The following CHI3L2 variants were observed in gnomAD, a reference collection of about 807,000 sequenced individuals.
CHI3L2 encodes chitinase 3 like 2.
CHI3L2 carries 47 observed loss-of-function variants against 47.3 expected under a neutral mutation model. The ratio of observed to expected loss-of-function variants is 0.99; its 90% CI spans 0.79 to 1.27. The LOEUF is 1.27. Among genes scored for constraint, CHI3L2 ranks in the 50% most tolerant of loss-of-function variants. CHI3L2 has a pLI of 0.00. For missense variants in CHI3L2, 497 were observed against 462.1 expected, an observed-to-expected ratio of 1.08 and a Z score of -0.69; for synonymous variants, 198 against 169.9, an observed-to-expected ratio of 1.17 and a Z score of -1.28.
Position 111,241,430 on chromosome 1 carries a change from G to T in CHI3L2, c.1022G>T (p.Ser341Ile). The change falls in exon 9 of 11, where the codon AGT becomes ATT. Residue 341 changes from serine to isoleucine, a missense_variant. Coordinates refer to ENST00000369748, the MANE Select transcript of CHI3L2 (RefSeq NM_004000.3). Reference sequence around the variant, plus strand: ...TGGGTGGGCTATGATGATGTGAAGAGTATGGAGACCAAGGTAGGTGGGCCA... The same window carrying T: ...TGGGTGGGCTATGATGATGTGAAGATTATGGAGACCAAGGTAGGTGGGCCA... Reference protein sequence around the residue: ...NQWVGYDDVKSMETKVQFLKN... With the variant: ...NQWVGYDDVKIMETKVQFLKN... 1 of 1,582,726 alleles carries T rather than the reference G, an allele frequency of 6.3e-7. No individual in the cohort carries two copies. Among genetic ancestry groups the T allele is most frequent in the Non-Finnish European group, 8.7e-7 (1 of 1,151,262 alleles).
intron 8 of CHI3L2, among the ~76,000 whole-genome samples, chr1:111,241,117 A>G (rs1037421381): frequency 3.9e-5 from 6 of 152,154 alleles, no homozygotes; most frequent in African/African-American, 1.4e-4. Flanking sequence ...TCTCCTCCTG[A>G]TGAGACTTTA....
At chr1:111,242,888 TTGC>T (rs2101560343) in intron 10 of CHI3L2, among the ~76,000 whole-genome samples, 1 of 152,312 alleles carries the variant, frequency 6.6e-6, no homozygotes, top group South Asian at 2.1e-4. Context: ...GTCGGTGGCT[TTGC>T]TGCTGCTCCA....
At position 111,242,445 on chromosome 1, in the gene CHI3L2, C is replaced by T. The variant is rs548476282; in HGVS notation, c.*2+79C>T. 10 of 1,444,572 alleles carry T rather than the reference C, an allele frequency of 6.9e-6. No individual in the cohort carries two copies. In the African/African-American group the frequency reaches 1.3e-4, roughly 19 times the overall value. The allele number at this position is 1,444,572 out of a possible 1,614,324, so 89.5% of individuals were successfully genotyped here. A position where few individuals can be genotyped will look rare whatever the true frequency, so the allele number is the denominator to read the frequency against. ...ACAGGAGACTGGGGGAGATCATCTT[C>T]ACATATTTGGACTAATCCTTTCTCA... On this transcript the variant is annotated intron_variant, in intron 10 of 10. Transcript: ENST00000369748.
chr1:111,231,390 T>C, intron 4 of CHI3L2, 96 bp downstream of exon 4: 1 of 960,246 alleles, frequency 1.0e-6, no homozygotes, highest in African/African-American at 1.6e-5. Flanking sequence ...AACTAGGCTT[T>C]AAGAGGTTTT....
rs746645086 is a variant in CHI3L2, at chr1:111,235,099, G to A, written c.480+42G>A. 37 of 1,600,322 alleles carry A rather than the reference G, an allele frequency of 2.3e-5. No homozygotes were observed. In the South Asian group the frequency reaches 2.3e-4, roughly 10 times the overall value. On this transcript the variant is annotated intron_variant, in intron 5 of 10. Transcript: ENST00000369748. The stretch of plus-strand genomic sequence containing the variant: ...GTAATTCATGTGAGTCAGATGCCAC[G>A]GTGTACTCAGTACTCTGATATCCAG...
chr1:111,233,153 A>G (rs190108080), intron 4 of CHI3L2, among the ~76,000 whole-genome samples: 181 of 152,288 alleles, frequency 1.2e-3, no homozygotes, highest in African/African-American at 4.1e-3. Context: ...TCTGAGAATC[A>G]ACTTCATGGC....
chr1:111,238,821 T>C lies in CHI3L2; in HGVS notation c.807T>C (p.Tyr269=). Residue 269 remains tyrosine (Y), a synonymous_variant, in exon 8 of 11, where the codon TAT becomes TAC. Coordinates refer to ENST00000369748, the MANE Select transcript of CHI3L2 (RefSeq NM_004000.3). ...SEKVVMGIPT[Y]GHSFTLASAE... ...AGGTGGTCATGGGCATCCCCACATA[T>C]GGGCACTCCTTCACACTGGCCTCTG... The C allele has an allele frequency of 6.2e-7, 1 of 1,614,080 alleles. No individual in the cohort carries two copies. Among genetic ancestry groups the C allele is most frequent in the South Asian group, 1.1e-5 (1 of 91,060 alleles).
intron 7 of CHI3L2, 72 bp from the exon 8 acceptor site, chr1:111,238,678 G>A: frequency 6.6e-7 from 1 of 1,509,170 alleles, no homozygotes; most frequent in Non-Finnish European, 9.2e-7. Context: ...TGAAGTTTGG[G>A]ATAGAGGCTA....
chr1:111,229,681 CAAAAAAAA>C (rs997929124), intron 1 of CHI3L2, 163 bp from the exon 2 acceptor site: 831 of 390,130 alleles, frequency 2.1e-3, no homozygotes, highest in East Asian at 9.1e-3. Flanking sequence ...GACTCCGTCT[CAAAAAAAA>C]AAAAAAAAAA....
At chr1:111,234,766 A>G (rs1349858107) in intron 4 of CHI3L2, 141 bp from the exon 5 acceptor site, 4 of 767,442 alleles carry the variant, frequency 5.2e-6, no homozygotes, top group East Asian at 5.2e-5. Context: ...CGTCTGTTCC[A>G]AAAGGGGAAA....
At chr1:111,230,574 G>A (rs1659685337) in intron 2 of CHI3L2, among the ~76,000 whole-genome samples, 168 bp from the exon 3 acceptor site, 1 of 151,994 alleles carries the variant, frequency 6.6e-6, no homozygotes. Context: ...TCTTAACTGG[G>A]GTCTGGGTAC....
At chr1:111,238,610 C>T (rs927223895) in intron 7 of CHI3L2, 140 bp from the exon 8 acceptor site, 41 of 765,500 alleles carry the variant, frequency 5.4e-5, no homozygotes, top group African/African-American at 2.9e-4. Flanking sequence ...CACTCTGGTC[C>T]GGGGGGTCTG....
chr1:111,231,469 G>T lies in CHI3L2; in HGVS notation c.329+175G>T, dbSNP rs989539174. 72 of 559,870 alleles carry T rather than the reference G, an allele frequency of 1.3e-4. No individual in the cohort carries two copies. In the African/African-American group the frequency reaches 1.3e-3, roughly 10 times the overall value. 34.7% of individuals were successfully genotyped at this position (559,870 alleles called of 1,614,324 possible). ...AGAGGAACAGCATTAGGTTTCCTGG[G>T]GTCTTTGAAGGAATTCTTCTGGAGC... On this transcript the variant is annotated intron_variant, in intron 4 of 10. Transcript: ENST00000369748.
At position 111,235,620 on chromosome 1, in the gene CHI3L2, G is replaced by T. The variant is rs773353348; in HGVS notation, c.481-19G>T. The T allele has an allele frequency of 2.5e-6, 4 of 1,611,134 alleles. No homozygotes were observed. In the South Asian group the frequency reaches 3.3e-5, roughly 13 times the overall value. On this transcript the variant is annotated intron_variant, in intron 5 of 10. Transcript: ENST00000369748. ...TCTGGGAAGGGGAATATTGCACCTC[G>T]TTTCTTTGTTTTTCCTAGGAGTTAG...
At chr1:111,238,367 A>G (rs1184036441) in intron 7 of CHI3L2, among the ~76,000 whole-genome samples, 1 of 152,252 alleles carries the variant, frequency 6.6e-6, no homozygotes, top group Admixed American at 6.5e-5. Context: ...CTCATGGACT[A>G]GGAATCTGAC....
chr1:111,239,269 G>A, intron 8 of CHI3L2: 1 of 216,546 alleles, frequency 4.6e-6, no homozygotes, highest in South Asian at 1.1e-4. Context: ...AGATAGGGAA[G>A]ACTGGAGGGA....
In CHI3L2 at chr1:111,230,759, G is replaced by A; in HGVS notation, c.88G>A (p.Val30Ile). Residue 30 changes from valine to isoleucine, a missense_variant, in exon 3 of 11, where the codon GTT becomes ATT. Val to Ile is a conservative substitution (Grantham distance 29, BLOSUM62 3). Transcript: ENST00000369748. ...TACTCCAGGATCTGCCTACAAACTG[G>A]TTTGCTACTTTACCAACTGGTCCCA... ...LLQGGSAYKL[V>I]CYFTNWSQDR... 6.2e-7 allele frequency: 1 copy of A among 1,614,110 alleles called. No homozygotes were observed. Among genetic ancestry groups the A allele is most frequent in the South Asian group, 1.1e-5 (1 of 91,082 alleles).
chr1:111,242,391 A>G (rs1660088952), intron 10 of CHI3L2, 25 bp downstream of exon 10: 1 of 1,575,808 alleles, frequency 6.3e-7, no homozygotes, highest in South Asian at 1.2e-5. Flanking sequence ...TGGAGCTGGG[A>G]GTGGGCAGAC....
At chr1:111,228,392 A>G (rs1376556856) in intron 1 of CHI3L2, among the ~76,000 whole-genome samples, 1 of 152,222 alleles carries the variant, frequency 6.6e-6, no homozygotes, top group African/African-American at 2.4e-5. Flanking sequence ...TACCTCTTTC[A>G]CCTTGTCTTA....
Sources: allele counts gnomAD v4.1 joint callset (sites outside exome capture counted in the v4.1 genomes callset), GRCh38; gene constraint gnomAD v4.1.1; transcripts MANE v1.5; gene names NCBI Gene and HGNC (gene_info 2026-07-23, HGNC 2026-07-21).